The following PHEX variants were observed in gnomAD, a reference collection of about 807,000 sequenced individuals.
The protein encoded by PHEX is phosphate regulating endopeptidase X-linked, also known as phosphate-regulating neutral endopeptidase PHEX.
PHEX carries 16 observed loss-of-function variants against 68.0 expected under a neutral mutation model. The ratio of observed to expected loss-of-function variants is 0.24; its 90% CI spans 0.16 to 0.36. The LOEUF (loss-of-function observed/expected upper bound fraction) is 0.36. Ranked by LOEUF, PHEX falls within the 10% of genes least tolerant of loss-of-function variation. PHEX has a pLI of 1.00. For missense variants in PHEX, 480 were observed against 575.5 expected (o/e 0.83, Z 1.70); for synonymous variants, 208 against 205.1 (o/e 1.01, Z -0.12).
chrX:22,131,588 T>C (rs1206682643), intron 11 of PHEX, among the ~76,000 whole-genome samples: 1 of 113,042 alleles, frequency 8.8e-6, no homozygotes, highest in African/African-American at 3.2e-5. Flanking sequence ...GCCCACTGAT[T>C]TATAGCTCTG....
At chrX:22,245,485 GCT>G in intron 21 of PHEX, 76 bp downstream of exon 21, 1 of 694,645 alleles carries the variant, frequency 1.4e-6, no homozygotes, top group South Asian at 2.1e-5. Flanking sequence ...CCATCCAAGG[GCT>G]CTACCAGATA....
intron 11 of PHEX, among the ~76,000 whole-genome samples, chrX:22,115,000 T>C (rs1427438341): frequency 9.0e-6 from 1 of 111,671 alleles, no homozygotes; most frequent in Admixed American, 9.5e-5. Flanking sequence ...TTCAGCTTTA[T>C]TGAGATGCAT....
In PHEX at chrX:22,090,571, T is replaced by G. The variant is rs934844711; in HGVS notation, c.732+74T>G. The G allele has an allele frequency of 2.2e-5, 15 of 696,222 alleles. No individual in the cohort carries two copies. The African/African-American group carries it at 2.5e-4, about 12-fold the overall frequency. The allele number at this position is 696,222 out of a possible 1,213,427, so 57.4% of individuals were successfully genotyped here. The stretch of plus-strand genomic sequence containing the variant: ...GCCCATTAGTTCTAAGGCCGCTGCT[T>G]CTTTATTGGAAATGAGCAGTGTGGC... On this transcript the variant is annotated intron_variant, in intron 6 of 21. Coordinates refer to ENST00000379374, the MANE Select transcript of PHEX (RefSeq NM_000444.6).
intron 18 of PHEX, among the ~76,000 whole-genome samples, chrX:22,222,907 C>T (rs990700425): frequency 3.6e-5 from 4 of 111,791 alleles, no homozygotes; most frequent in East Asian, 2.8e-4. Flanking sequence ...TAAGTCTGTA[C>T]GACTCCAAAG....
chrX:22,246,927 T>G (rs1195459381), intron 21 of PHEX, among the ~76,000 whole-genome samples: 2 of 111,522 alleles, frequency 1.8e-5, no homozygotes, highest in Non-Finnish European at 3.8e-5. Flanking sequence ...GGGGGAAGTT[T>G]TTTGTGTGTG....
At chrX:22,242,347 A>G (rs1411853832) in intron 20 of PHEX, among the ~76,000 whole-genome samples, 1 of 111,945 alleles carries the variant, frequency 8.9e-6, no homozygotes, top group Non-Finnish European at 1.9e-5. Flanking sequence ...AACTGGAAGC[A>G]TTCCCTTTGA....
chrX:22,060,700 C>T (rs764351970), intron 3 of PHEX, among the ~76,000 whole-genome samples: 1 of 111,561 alleles, frequency 9.0e-6, no homozygotes, highest in East Asian at 2.8e-4. Context: ...AGGAAAGAAA[C>T]ATTTCACTTT....
At chrX:22,162,387 A>T (rs1445509927) in intron 12 of PHEX, among the ~76,000 whole-genome samples, 1 of 112,261 alleles carries the variant, frequency 8.9e-6, no homozygotes, top group Admixed American at 9.4e-5. Context: ...TGGACCTATG[A>T]CTAAAAGAGT....
chrX:22,229,885 G>T (rs1935651267), intron 20 of PHEX, among the ~76,000 whole-genome samples: 1 of 111,012 alleles, frequency 9.0e-6, no homozygotes, highest in Admixed American at 9.6e-5. Flanking sequence ...TCTTAAGTTT[G>T]TTTAAGTCTT....
intron 13 of PHEX, among the ~76,000 whole-genome samples, chrX:22,176,035 G>C (rs1933682775): frequency 9.0e-6 from 1 of 111,096 alleles, no homozygotes; most frequent in Admixed American, 9.6e-5. Flanking sequence ...TCTATAACAA[G>C]GTGCTTACTC....
rs148243584 is a variant in PHEX at position 22,161,383 on chromosome X, G to C, written c.1405-6929G>C. ...GGAGGTTGCAATGAGCCGAGATCGTGCTACTGCACTCCAGCCTGGATGACA... is the reference window on the plus strand; with the variant it reads ...GGAGGTTGCAATGAGCCGAGATCGTCCTACTGCACTCCAGCCTGGATGACA... On this transcript the variant is annotated intron_variant, in intron 12 of 21. Transcript: ENST00000379374. 9.4e-3 allele frequency among the ~76,000 whole-genome samples: 1,050 copies of C among 112,276 alleles called. 8 individuals carry two copies. The highest frequency in any genetic ancestry group is 0.016 in the Non-Finnish European group (843 of 53,259).
intron 16 of PHEX, among the ~76,000 whole-genome samples, chrX:22,216,161 T>C (rs1408068426): frequency 1.8e-5 from 2 of 111,908 alleles, no homozygotes; most frequent in Non-Finnish European, 3.8e-5. Flanking sequence ...ATTCCTCTAG[T>C]AGGAAGTTGG....
intron 20 of PHEX, among the ~76,000 whole-genome samples, chrX:22,241,727 A>C (rs142089743): frequency 6.4e-4 from 72 of 112,244 alleles, no homozygotes; most frequent in African/African-American, 2.2e-3. Context: ...AACCAGGCAG[A>C]AGTTGAATCC....
chrX:22,060,236 C>T (rs143539006), intron 3 of PHEX, among the ~76,000 whole-genome samples: 3 of 109,534 alleles, frequency 2.7e-5, no homozygotes. Context: ...AATAGTAATA[C>T]ACCAAGTAGA....
At chrX:22,079,829 C>T (rs746592504) in intron 5 of PHEX, among the ~76,000 whole-genome samples, 99 of 111,096 alleles carry the variant, frequency 8.9e-4, no homozygotes, top group African/African-American at 3.1e-3. Flanking sequence ...ATAGGAGAAT[C>T]ACAGCTTAAA....
chrX:22,057,317 C>T lies in PHEX; in HGVS notation c.349+10106C>T, dbSNP rs148945911. On this transcript the variant is annotated intron_variant, in intron 3 of 21. Transcript: ENST00000379374. ...AGAGAACACCTTTATTTAAAATAGT[C>T]CTCTGGCTGGGTGCCGTGGCTCACG... Among the ~76,000 whole-genome samples the T allele has an allele frequency of 5.7e-3, 639 of 111,793 alleles. 4 individuals are homozygous for T. Among genetic ancestry groups the T allele is most frequent in the Middle Eastern group, 0.019 (4 of 216 alleles).
chrX:22,052,372 C>T (rs1927876094), intron 3 of PHEX, among the ~76,000 whole-genome samples: 1 of 111,143 alleles, frequency 9.0e-6, no homozygotes, highest in East Asian at 2.8e-4. Flanking sequence ...GGATTACACG[C>T]ATGCGCCACC....
Position 22,249,068 on chromosome X carries a change from A to G in PHEX, c.*1115A>G, listed in dbSNP as rs192098973. The G allele has an allele frequency of 2.7e-5, 3 of 110,509 alleles. No homozygotes were observed. In the Admixed American group the frequency reaches 2.9e-4, roughly 11 times the overall value. 9.1% of individuals were successfully genotyped at this position (110,509 alleles called of 1,213,427 possible). ...ATGACATTCTAGAATTTATTGATTC[A>G]ATTTAAAATTCCCTGCATAGTCCAA... On this transcript the variant is annotated 3_prime_UTR_variant, in exon 22 of 22. Transcript: ENST00000379374.
chrX:22,249,455 A>AAAATATATATATATATATAT lies in PHEX; in HGVS notation c.*1503_*1504insAATATATATATATATATATA. 7 of 39,748 alleles carry AAAATATATATATATATATAT rather than the reference A, an allele frequency of 1.8e-4. No homozygotes were observed. The highest frequency in any genetic ancestry group is 2.5e-4 in the Non-Finnish European group (6 of 24,463). The allele number at this position is 39,748 out of a possible 1,213,427, so 3.3% of individuals were successfully genotyped here. ...TTGTGATTCTTTTAAAAAAAAAAAA[A>AAAATATATATATATATATAT]ATATATATATATATATATATATATA... is the stretch of plus-strand genomic sequence containing the variant. On this transcript the variant is annotated 3_prime_UTR_variant, in exon 22 of 22. Coordinates refer to ENST00000379374, the MANE Select transcript of PHEX (RefSeq NM_000444.6).
Sources: gnomAD v4.1 joint callset for allele counts (sites outside exome capture counted in the v4.1 genomes callset) on GRCh38, gnomAD v4.1.1 for gene constraint, MANE v1.5 for transcripts, NCBI Gene and HGNC (gene_info 2026-07-23, HGNC 2026-07-21) for gene names.